The following SCAF1 variants were observed in gnomAD, a reference collection of about 807,000 sequenced individuals.
SCAF1 encodes SR-related CTD associated factor 1, also known as splicing factor, arginine/serine-rich 19.
In SCAF1, 28 loss-of-function variants were observed where a neutral mutation model predicts 91.2. That is an observed-to-expected ratio of 0.31 (90% CI 0.23 to 0.42). The LOEUF (loss-of-function observed/expected upper bound fraction) is 0.42, where lower values mean the gene tolerates loss of function less well. Among genes scored for constraint, SCAF1 ranks in the 10% least tolerant of loss-of-function variants. SCAF1 has a pLI of 1.00. For synonymous variants in SCAF1, 1,036 were observed against 833.7 expected (o/e 1.24, Z -4.18); for missense variants, 1,893 against 1,872.1 (o/e 1.01, Z -0.21).
rs965479568 is a variant in SCAF1 at position 49,645,819 on chromosome 19, G to A, written c.167-289G>A. The stretch of plus-strand genomic sequence containing the variant: ...CCTTGGGGCTGGCATGCAGGAGGGT[G>A]TGAGTGGGGTTGGGGGAGGCAGGAG... On this transcript the variant is annotated intron_variant, in intron 3 of 10. Coordinates refer to ENST00000360565, the MANE Select transcript of SCAF1 (RefSeq NM_021228.3). The surrounding 1 kb of genome is among the most constrained non-coding windows in gnomAD (Gnocchi z 4.6). Among the ~76,000 whole-genome samples, 3 of 152,178 alleles carry A rather than the reference G, an allele frequency of 2.0e-5. No homozygotes were observed. The highest frequency in any genetic ancestry group is 4.4e-5 in the Non-Finnish European group (3 of 68,014).
At chr19:49,647,338 A>T (rs548417193) in intron 6 of SCAF1, among the ~76,000 whole-genome samples, 160 of 152,334 alleles carry the variant, frequency 1.1e-3, no homozygotes, top group African/African-American at 3.7e-3. Context: ...CCAAACGCGA[A>T]CGCACATCTC....
rs139442151 is a variant in SCAF1, at chr19:49,645,047, T to G, written c.21T>G (p.Ser7=). 1 of 1,614,012 alleles carries G rather than the reference T, an allele frequency of 6.2e-7. No individual in the cohort carries two copies. The highest frequency in any genetic ancestry group is 2.2e-5 in the East Asian group (1 of 44,886). The stretch of plus-strand genomic sequence containing the variant: ...TGACCATGGAGGAAGAAGATGAGTC[T>G]CGAGGGAAGACAGAGGAGTCGGGGG... MEEEDE[S]RGKTEESGED... The change falls in exon 2 of 11, where the codon TCT becomes TCG. Residue 7 remains serine (S), a synonymous_variant. Transcript: ENST00000360565. This position sits in a 1 kb window ranked among gnomAD's most constrained non-coding sequence, Gnocchi z 4.6.
chr19:49,646,861 T>G lies in SCAF1; in HGVS notation c.478+31T>G. 6.4e-7 allele frequency: 1 copy of G among 1,561,766 alleles called. No individual in the cohort carries two copies. Among genetic ancestry groups the G allele is most frequent in the Non-Finnish European group, 8.7e-7 (1 of 1,146,088 alleles). On this transcript the variant is annotated intron_variant, in intron 6 of 10. Coordinates refer to ENST00000360565, the MANE Select transcript of SCAF1 (RefSeq NM_021228.3). This position sits in a 1 kb window ranked among gnomAD's most constrained non-coding sequence, Gnocchi z 5.6. Reference sequence around the variant, plus strand: ...TGGGGCCAGGGCGGAGCTGGGCAGGTGGTCGTGGAGTTGTGTGGGGATCGG... The same window carrying G: ...TGGGGCCAGGGCGGAGCTGGGCAGGGGGTCGTGGAGTTGTGTGGGGATCGG...
chr19:49,655,376 T>C (rs1452062293), intron 9 of SCAF1, among the ~76,000 whole-genome samples: 1 of 152,106 alleles, frequency 6.6e-6, no homozygotes, highest in Admixed American at 6.6e-5. Context: ...TTTGTTTTTG[T>C]TTTTCTTTGA....
At position 49,645,344 on chromosome 19, in the gene SCAF1, C is replaced by A. The variant is rs369334034; in HGVS notation, c.109-10C>A. ...GTCCTCTGACGCTTGGTTCTTCCCC[C>A]CTTCCCCAGCGAGCCATCCAGCAGG... is the stretch of plus-strand genomic sequence containing the variant. On this transcript the variant is annotated splice_polypyrimidine_tract_variant and intron_variant, in intron 2 of 10. Coordinates refer to ENST00000360565, the MANE Select transcript of SCAF1 (RefSeq NM_021228.3). The surrounding 1 kb of genome is among the most constrained non-coding windows in gnomAD (Gnocchi z 4.6). The A allele has an allele frequency of 1.7e-5, 27 of 1,613,740 alleles. No individual in the cohort carries two copies. In the South Asian group the frequency reaches 1.8e-4, roughly 10 times the overall value.
rs756417491 is a variant in SCAF1, at chr19:49,646,625, G to A, written c.361G>A (p.Glu121Lys). Residue 121 changes from glutamate (E) to lysine (K), a missense_variant and splice_region_variant, in exon 5 of 11, where the codon GAA becomes AAA. Physicochemically the swap from Glu to Lys is moderately conservative, Grantham distance 56. Around this residue, in one of 5 missense-constraint regions of SCAF1, gnomAD observed 270 missense variants for 292.5 expected, o/e 0.92. Coordinates refer to ENST00000360565, the MANE Select transcript of SCAF1 (RefSeq NM_021228.3). This position sits in a 1 kb window ranked among gnomAD's most constrained non-coding sequence, Gnocchi z 5.6. ...CAGCCGCCTGGACCTGCGGCCTGGC[G>A]AGTGAGTAGCTGGGCAGCTGGAGTG... Reference protein sequence around the residue: ...VPSRLDLRPGESEDMLELVAE... With the variant: ...VPSRLDLRPGKSEDMLELVAE... The A allele has an allele frequency of 2.5e-6, 4 of 1,614,062 alleles. No individual in the cohort carries two copies. The highest frequency in any genetic ancestry group is 1.3e-5 in the African/African-American group (1 of 75,038).
Position 49,650,884 on chromosome 19 carries a change from C to T in SCAF1, c.495C>T (p.Asn165=), listed in dbSNP as rs762278676. Residue 165 remains asparagine (N), a synonymous_variant, in exon 7 of 11, where the codon AAC becomes AAT. Coordinates refer to ENST00000360565, the MANE Select transcript of SCAF1 (RefSeq NM_021228.3). ...RTGKTVSPQS[N]SSRPTCARHL... The stretch of plus-strand genomic sequence containing the variant: ...CCTTTGCAGTTTCTCCACAGTCGAA[C>T]TCCTCTAGGCCCACCTGTGCCCGTC... 4 of 1,610,222 alleles carry T rather than the reference C, an allele frequency of 2.5e-6. No homozygotes were observed. Among genetic ancestry groups the T allele is most frequent in the South Asian group, 1.1e-5 (1 of 90,542 alleles).
intron 6 of SCAF1, among the ~76,000 whole-genome samples, chr19:49,647,433 G>A (rs900244245): frequency 2.0e-5 from 3 of 152,208 alleles, no homozygotes; most frequent in Non-Finnish European, 2.9e-5. Flanking sequence ...TGGGACCTGG[G>A]AATTTTCATT....
In SCAF1 at chr19:49,658,002, A is replaced by T. The variant is rs1451799392; in HGVS notation, c.3747+113A>T. On this transcript the variant is annotated intron_variant, in intron 10 of 10. Transcript: ENST00000360565. ...GAGACGGGGAGGAGGTCAGTCTGGG[A>T]GGTGAGGAGGGTGACAGGATTTTCT... 2.1e-6 allele frequency: 3 copies of T among 1,415,236 alleles called. No individual in the cohort carries two copies. The Admixed American group carries it at 6.5e-5, about 31-fold the overall frequency. 87.7% of individuals were successfully genotyped at this position (1,415,236 alleles called of 1,614,324 possible).
intron 9 of SCAF1, among the ~76,000 whole-genome samples, chr19:49,656,947 G>T (rs562471805): frequency 6.6e-6 from 1 of 152,208 alleles, no homozygotes; most frequent in South Asian, 2.1e-4. Context: ...TTGAGCCCAG[G>T]AGTTCAAGAT....
In SCAF1 at chr19:49,658,516, A is replaced by C; in HGVS notation, c.*117A>C. ...TGACTGGGGGAGGGTTGCTGCAGGGAAGAGGAGAGCCCCCTGCCCTGCCCT... is the reference window on the plus strand; with the variant it reads ...TGACTGGGGGAGGGTTGCTGCAGGGCAGAGGAGAGCCCCCTGCCCTGCCCT... On this transcript the variant is annotated 3_prime_UTR_variant, in exon 11 of 11. Coordinates refer to ENST00000360565, the MANE Select transcript of SCAF1 (RefSeq NM_021228.3). 1 of 656,256 alleles carries C rather than the reference A, an allele frequency of 1.5e-6. No homozygotes were observed. The highest frequency in any genetic ancestry group is 2.6e-6 in the Non-Finnish European group (1 of 383,120). 40.7% of individuals were successfully genotyped at this position (656,256 alleles called of 1,614,324 possible). A position where few individuals can be genotyped will look rare whatever the true frequency, so the allele number is the denominator to read the frequency against.
intron 9 of SCAF1, among the ~76,000 whole-genome samples, chr19:49,657,084 A>AC (rs1321857742): frequency 6.6e-6 from 1 of 152,066 alleles, no homozygotes; most frequent in Non-Finnish European, 1.5e-5. Flanking sequence ...AGCCCAGGAG[A>AC]CCAGGGGTAC....
intron 9 of SCAF1, among the ~76,000 whole-genome samples, chr19:49,655,380 T>C (rs2081132812): frequency 6.6e-6 from 1 of 152,152 alleles, no homozygotes. Flanking sequence ...TTTTTGTTTT[T>C]CTTTGAGATG....
At chr19:49,655,349 A>G (rs1457607007) in intron 9 of SCAF1, among the ~76,000 whole-genome samples, 3 of 152,056 alleles carry the variant, frequency 2.0e-5, no homozygotes, top group Non-Finnish European at 4.4e-5. Flanking sequence ...TCTCTTGGTC[A>G]GGTCTAGATG....
Position 49,652,945 on chromosome 19 carries a change from G to A in SCAF1, c.2556G>A (p.Lys852=). The A allele has an allele frequency of 1.2e-6, 2 of 1,613,912 alleles. No individual in the cohort carries two copies. The highest frequency in any genetic ancestry group is 8.5e-7 in the Non-Finnish European group (1 of 1,179,990). ...REGVSSTTPA[K]DAASAGLGSI... ...GTGTCAGCAGCACCACCCCGGCCAA[G>A]GATGCCGCGTCAGCCGGCCTGGGCT... The change falls in exon 7 of 11, where the codon AAG becomes AAA. Residue 852 remains lysine, a synonymous_variant. Coordinates refer to ENST00000360565, the MANE Select transcript of SCAF1 (RefSeq NM_021228.3).
chr19:49,642,408 G>A lies in SCAF1; in HGVS notation c.-7+166G>A, dbSNP rs1163372816. On this transcript the variant is annotated intron_variant, in intron 1 of 10. Transcript: ENST00000360565. The surrounding 1 kb of genome is among the most constrained non-coding windows in gnomAD (Gnocchi z 4.0). Reference sequence around the variant, plus strand: ...CAGCTGCGGCGAAACCTGGCGCCGAGAGGGGGGCCTTCTCAGGGCCCCGGG... The same window carrying A: ...CAGCTGCGGCGAAACCTGGCGCCGAAAGGGGGGCCTTCTCAGGGCCCCGGG... 6.6e-6 allele frequency among the ~76,000 whole-genome samples: 1 copy of A among 152,204 alleles called. No individual in the cohort carries two copies. The highest frequency in any genetic ancestry group is 2.4e-5 in the African/African-American group (1 of 41,454).
chr19:49,653,245 G>A lies in SCAF1; in HGVS notation c.2856G>A (p.Gln952=). Residue 952 remains glutamine (Q), a synonymous_variant, in exon 7 of 11, where the codon CAG becomes CAA. Transcript: ENST00000360565. ...AGTCCAAGGCGGATAGCTGCAGCCA[G>A]GCGGCAGGCACCAAGGGGGCGGAGG... ...LKKSKADSCS[Q]AAGTKGAEET... 6.7e-7 allele frequency: 1 copy of A among 1,494,526 alleles called. No individual in the cohort carries two copies. Among genetic ancestry groups the A allele is most frequent in the Non-Finnish European group, 8.9e-7 (1 of 1,120,556 alleles). The allele number at this position is 1,494,526 out of a possible 1,614,324, so 92.6% of individuals were successfully genotyped here.
At chr19:49,654,519 G>A (rs2081126141) in intron 8 of SCAF1, 88 bp downstream of exon 8, 5 of 1,423,678 alleles carry the variant, frequency 3.5e-6, no homozygotes, top group African/African-American at 1.4e-5. Flanking sequence ...TGGCAGCTCT[G>A]GGGCAAGGTA....
At position 49,653,295 on chromosome 19, in the gene SCAF1, G is replaced by C. The variant is rs934487204; in HGVS notation, c.2906G>C (p.Arg969Pro). Reference sequence around the variant, plus strand: ...GAGACTTCCTGGTCCGGGGAGGAGCGGGCAGCCAAGGTTCCTAGCACCCCG... The same window carrying C: ...GAGACTTCCTGGTCCGGGGAGGAGCCGGCAGCCAAGGTTCCTAGCACCCCG... ...AEETSWSGEE[R>P]AAKVPSTPPP... The change falls in exon 7 of 11, where the codon CGG becomes CCG. Residue 969 changes from arginine (R) to proline (P), a missense_variant. Physicochemically the swap from Arg to Pro is moderately radical, Grantham distance 103. Around this residue, in one of 5 missense-constraint regions of SCAF1, gnomAD observed 1,436 missense variants for 1,306.8 expected, o/e 1.10. Coordinates refer to ENST00000360565, the MANE Select transcript of SCAF1 (RefSeq NM_021228.3). 1.4e-6 allele frequency: 2 copies of C among 1,467,914 alleles called. No homozygotes were observed. The highest frequency in any genetic ancestry group is 1.8e-6 in the Non-Finnish European group (2 of 1,108,214). The allele number at this position is 1,467,914 out of a possible 1,614,324, so 90.9% of individuals were successfully genotyped here.
Sources: allele counts gnomAD v4.1 joint callset (sites outside exome capture counted in the v4.1 genomes callset), GRCh38; gene constraint gnomAD v4.1.1; regional missense constraint gnomAD v4.1.1; non-coding constraint Gnocchi (gnomAD v3.1); transcripts MANE v1.5; gene names NCBI Gene and HGNC (gene_info 2026-07-23, HGNC 2026-07-21).